Variants in ZFPM2 observed in about 807,000 individuals in gnomAD.
ZFPM2 encodes the protein zinc finger protein ZFPM2.
In ZFPM2, 20 loss-of-function variants were observed where a neutral mutation model predicts 98.6. The ratio of observed to expected loss-of-function variants is 0.20; its 90% CI spans 0.14 to 0.29. ZFPM2 has a LOEUF of 0.29. ZFPM2 is among the 10% of genes least tolerant of loss of function. The pLI is 1.00. For missense variants in ZFPM2, 1,310 were observed against 1,388.6 expected (o/e 0.94, Z 0.90); for synonymous variants, 518 against 502.7 (o/e 1.03, Z -0.41).
intron 5 of ZFPM2, among the ~76,000 whole-genome samples, chr8:105,783,764 G>T (rs1563562102): frequency 7.7e-6 from 1 of 130,012 alleles, no homozygotes; most frequent in Non-Finnish European, 1.7e-5. Flanking sequence ...TAGATCACAT[G>T]TTTCTTATCC....
At chr8:105,477,790 A>G (rs10103119) in intron 3 of ZFPM2, among the ~76,000 whole-genome samples, 71,287 of 151,976 alleles carry the variant, frequency 0.47, 17,380 homozygotes, top group East Asian at 0.66. Flanking sequence ...GTGGAAACTT[A>G]GATCCAAATA....
chr8:105,538,485 G>A (rs1363106558), intron 3 of ZFPM2, among the ~76,000 whole-genome samples: 8 of 152,148 alleles, frequency 5.3e-5, no homozygotes, highest in Admixed American at 2.6e-4. Context: ...ATCTCCTGTC[G>A]TTTAGGATAA....
rs375952043 is a variant in ZFPM2, at chr8:105,653,583, C to G, written c.532+19226C>G. Among the ~76,000 whole-genome samples the G allele has an allele frequency of 2.6e-5, 4 of 152,294 alleles. No individual in the cohort carries two copies. In the East Asian group the frequency reaches 7.7e-4, roughly 29 times the overall value. On this transcript the variant is annotated intron_variant, in intron 5 of 7. Coordinates refer to ENST00000407775, the MANE Select transcript of ZFPM2 (RefSeq NM_012082.4). The stretch of plus-strand genomic sequence containing the variant: ...TGCTAAATCCATATGTGCATTTTAA[C>G]AAGATCCTAGGTGATCTGTGTGCAC...
chr8:105,362,718 A>G (rs188903374), intron 1 of ZFPM2, among the ~76,000 whole-genome samples: 4 of 152,232 alleles, frequency 2.6e-5, no homozygotes, highest in East Asian at 1.9e-4. Context: ...AGTGTACACA[A>G]TATTGGAAGT....
chr8:105,616,698 C>A, intron 4 of ZFPM2: 1 of 385,926 alleles, frequency 2.6e-6, no homozygotes, highest in Non-Finnish European at 5.1e-6. Flanking sequence ...AACCAACGGA[C>A]AGAGAAGTTG....
chr8:105,500,663 A>G (rs1813572957), intron 3 of ZFPM2, among the ~76,000 whole-genome samples: 1 of 152,202 alleles, frequency 6.6e-6, no homozygotes, highest in South Asian at 2.1e-4. Flanking sequence ...ATTGTATAGT[A>G]TTGAAGAAAA....
chr8:105,773,202 G>A (rs1272033960), intron 5 of ZFPM2, among the ~76,000 whole-genome samples: 1 of 152,094 alleles, frequency 6.6e-6, no homozygotes, highest in African/African-American at 2.4e-5. Context: ...TTGACTCTAG[G>A]TATATATACC....
At chr8:105,427,503 T>C (rs1348876570) in intron 2 of ZFPM2, among the ~76,000 whole-genome samples, 1 of 152,234 alleles carries the variant, frequency 6.6e-6, no homozygotes, top group Admixed American at 6.5e-5. Flanking sequence ...AAGCTCTTAA[T>C]CTTCTCACAT....
At chr8:105,386,608 CCA>C (rs1810995018) in intron 1 of ZFPM2, among the ~76,000 whole-genome samples, 2 of 151,912 alleles carry the variant, frequency 1.3e-5, no homozygotes, top group African/African-American at 4.8e-5. Flanking sequence ...CAGTGTGGAC[CCA>C]AAAAGTGAGC....
rs1191913811 is a variant in ZFPM2, at chr8:105,802,791, C to G, written c.2709C>G (p.Asn903Lys). 1.2e-6 allele frequency: 2 copies of G among 1,613,514 alleles called. No individual in the cohort carries two copies. Among genetic ancestry groups the G allele is most frequent in the Non-Finnish European group, 1.7e-6 (2 of 1,179,808 alleles). The change falls in exon 8 of 8, where the codon AAC becomes AAG. Residue 903 changes from asparagine to lysine, a missense_variant. Asn to Lys is a moderately conservative substitution (Grantham distance 94). Coordinates refer to ENST00000407775, the MANE Select transcript of ZFPM2 (RefSeq NM_012082.4). ...KVFPNPESERNSPDVSYERSI... is the reference protein window; with the variant it reads ...KVFPNPESERKSPDVSYERSI... The stretch of plus-strand genomic sequence containing the variant: ...TTCCGAATCCAGAAAGCGAACGAAA[C>G]AGCCCTGATGTCAGCTACGAAAGAA...
At chr8:105,604,989 A>G (rs1275607435) in intron 4 of ZFPM2, among the ~76,000 whole-genome samples, 1 of 152,124 alleles carries the variant, frequency 6.6e-6, no homozygotes, top group East Asian at 1.9e-4. Flanking sequence ...ATGACATTTT[A>G]AAAAGATCTT....
At chr8:105,529,862 C>T (rs1225793098) in intron 3 of ZFPM2, among the ~76,000 whole-genome samples, 1 of 151,986 alleles carries the variant, frequency 6.6e-6, no homozygotes, top group Non-Finnish European at 1.5e-5. Context: ...TCCCGAGTAG[C>T]TGGGATTACA....
intron 5 of ZFPM2, among the ~76,000 whole-genome samples, chr8:105,737,039 G>T (rs1257910767): frequency 6.6e-6 from 1 of 151,864 alleles, no homozygotes; most frequent in Non-Finnish European, 1.5e-5. Context: ...GTGCACACAT[G>T]ATTTTGCATA....
At chr8:105,705,348 A>G (rs1436504809) in intron 5 of ZFPM2, among the ~76,000 whole-genome samples, 2 of 152,140 alleles carry the variant, frequency 1.3e-5, no homozygotes, top group African/African-American at 2.4e-5. Context: ...ATAAATACCA[A>G]TATATAACGT....
chr8:105,373,636 A>T lies in ZFPM2; in HGVS notation c.41-45508A>T, dbSNP rs147945762. ...GGAAGATAGATTATTCAATTAAATA[A>T]ATTGCAGAGAAATTAATGCCTAACT... On this transcript the variant is annotated intron_variant, in intron 1 of 7. Coordinates refer to ENST00000407775, the MANE Select transcript of ZFPM2 (RefSeq NM_012082.4). Among the ~76,000 whole-genome samples, 86 of 152,338 alleles carry T rather than the reference A, an allele frequency of 5.6e-4. No individual in the cohort carries two copies. The East Asian group carries it at 0.015, about 27-fold the overall frequency.
intron 3 of ZFPM2, among the ~76,000 whole-genome samples, chr8:105,468,318 C>G (rs143990429): frequency 0.019 from 2,891 of 152,144 alleles, 93 homozygotes; most frequent in African/African-American, 0.066. Context: ...GGCCATTACC[C>G]CTGTAACCTC....
intron 3 of ZFPM2, among the ~76,000 whole-genome samples, chr8:105,490,941 G>A (rs1170703191): frequency 6.6e-6 from 1 of 151,948 alleles, no homozygotes; most frequent in Non-Finnish European, 1.5e-5. Flanking sequence ...TTTTACTATT[G>A]AAATAAAATG....
At chr8:105,349,560 A>G (rs538443510) in intron 1 of ZFPM2, among the ~76,000 whole-genome samples, 17 of 152,170 alleles carry the variant, frequency 1.1e-4, no homozygotes, top group Non-Finnish European at 1.8e-4. Context: ...AAGGGTTTAC[A>G]TTCACTTTTA....
chr8:105,389,184 G>C (rs1444124431), intron 1 of ZFPM2, among the ~76,000 whole-genome samples: 1 of 151,982 alleles, frequency 6.6e-6, no homozygotes, highest in Non-Finnish European at 1.5e-5. Context: ...GGCCTAAGGC[G>C]ACCATAGGAC....
Sources: allele counts gnomAD v4.1 joint callset (sites outside exome capture counted in the v4.1 genomes callset), GRCh38; gene constraint gnomAD v4.1.1; transcripts MANE v1.5; gene names NCBI Gene and HGNC (gene_info 2026-07-23, HGNC 2026-07-21).